Variants in CNBD1 observed in about 807,000 individuals in gnomAD.
The protein encoded by CNBD1 is cyclic nucleotide binding domain containing 1, also known as cyclic nucleotide-binding domain-containing protein 1.
Under a neutral mutation model 54.4 loss-of-function variants are expected in CNBD1, and 71 were observed. The ratio of observed to expected loss-of-function variants is 1.30; its 90% CI spans 1.08 to 1.59. The LOEUF (loss-of-function observed/expected upper bound fraction) is 1.59. Among genes scored for constraint, CNBD1 ranks in the 40% most tolerant of loss-of-function variants. The pLI is 0.00. For missense variants in CNBD1, 659 were observed against 518.0 expected, an observed-to-expected ratio of 1.27 and a Z score of -2.64; for synonymous variants, 182 against 170.7, an observed-to-expected ratio of 1.07 and a Z score of -0.51.
chr8:87,234,510 G>T (rs1266661808), intron 5 of CNBD1, among the ~76,000 whole-genome samples: 1 of 152,194 alleles, frequency 6.6e-6, no homozygotes, highest in African/African-American at 2.4e-5. Context: ...GAGTTCTTGG[G>T]TGACCAGATG....
At chr8:87,085,824 G>C (rs1811084686) in intron 4 of CNBD1, among the ~76,000 whole-genome samples, 1 of 152,120 alleles carries the variant, frequency 6.6e-6, no homozygotes, top group Admixed American at 6.5e-5. Flanking sequence ...CTCAGTCTTA[G>C]GCAGGTCCCT....
intron 5 of CNBD1, among the ~76,000 whole-genome samples, chr8:87,215,871 A>T (rs1329365388): frequency 6.6e-6 from 1 of 152,190 alleles, no homozygotes. Flanking sequence ...ATGGAAGCCC[A>T]TGCCCATTAA....
intron 8 of CNBD1, among the ~76,000 whole-genome samples, chr8:87,303,784 T>G (rs749841604): frequency 7.9e-6 from 1 of 125,956 alleles, no homozygotes; most frequent in Non-Finnish European, 1.8e-5. Flanking sequence ...TCAAACAAAT[T>G]TACAAGAAAA....
intron 2 of CNBD1, among the ~76,000 whole-genome samples, chr8:87,428,161 A>G (rs1174467266): frequency 6.6e-6 from 1 of 152,192 alleles, no homozygotes; most frequent in African/African-American, 2.4e-5. Context: ...AAAGAAAAAA[A>G]AAAAGTCAGA....
intron 2 of CNBD1, among the ~76,000 whole-genome samples, chr8:86,895,266 G>C (rs1472067464): frequency 6.6e-6 from 1 of 150,536 alleles, no homozygotes; most frequent in Non-Finnish European, 1.5e-5. Flanking sequence ...GTGTGTGTGT[G>C]TGTGTGTGTG....
chr8:87,244,483 G>A (rs116634882), intron 6 of CNBD1, among the ~76,000 whole-genome samples: 2 of 152,112 alleles, frequency 1.3e-5, no homozygotes, highest in Non-Finnish European at 2.9e-5. Context: ...CATTTAGGGT[G>A]TCTATCTCCT....
chr8:87,228,549 G>T (rs1413860092), intron 5 of CNBD1, among the ~76,000 whole-genome samples: 1 of 150,520 alleles, frequency 6.6e-6, no homozygotes, highest in Admixed American at 6.6e-5. Context: ...CAGTTAGGCT[G>T]CTCGGGGGTC....
At chr8:87,089,383 C>G (rs1811162405) in intron 4 of CNBD1, among the ~76,000 whole-genome samples, 1 of 151,978 alleles carries the variant, frequency 6.6e-6, no homozygotes, top group Admixed American at 6.6e-5. Flanking sequence ...AGAAAAAAAT[C>G]TAATGATGTT....
intron 4 of CNBD1, among the ~76,000 whole-genome samples, chr8:87,102,799 A>G (rs550136240): frequency 4.4e-4 from 67 of 152,160 alleles, no homozygotes; most frequent in African/African-American, 1.5e-3. Context: ...TATTTTTAGT[A>G]GAGACGGGGT....
chr8:86,964,375 A>G (rs987165922), intron 4 of CNBD1, among the ~76,000 whole-genome samples: 2 of 152,212 alleles, frequency 1.3e-5, no homozygotes, highest in African/African-American at 4.8e-5. Flanking sequence ...GATAAGGCTC[A>G]TCCCCTTCCC....
intron 4 of CNBD1, among the ~76,000 whole-genome samples, chr8:86,973,330 A>C (rs186059769): frequency 2.6e-4 from 39 of 152,296 alleles, no homozygotes; most frequent in African/African-American, 9.1e-4. Context: ...TTAAACATCT[A>C]TCTATACATG....
intron 6 of CNBD1, among the ~76,000 whole-genome samples, chr8:87,275,206 G>A (rs1305250855): frequency 1.4e-5 from 2 of 141,808 alleles, no homozygotes; most frequent in African/African-American, 2.8e-5. Context: ...GTCTGGTAGT[G>A]TGATGCCTCC....
downstream of CNBD1, among the ~76,000 whole-genome samples, chr8:87,384,725 G>A (rs11786454): frequency 0.22 from 32,715 of 152,030 alleles, 4,320 homozygotes; most frequent in Non-Finnish European, 0.29. Context: ...ATAAGATCAT[G>A]GGTCCAATAA....
At chr8:86,979,503 T>A (rs1181198904) in intron 4 of CNBD1, among the ~76,000 whole-genome samples, 3 of 151,906 alleles carry the variant, frequency 2.0e-5, no homozygotes, top group Admixed American at 2.0e-4. Flanking sequence ...AGGTGGGACT[T>A]TGCTTAGCCT....
At chr8:87,102,510 A>G (rs547941502) in intron 4 of CNBD1, among the ~76,000 whole-genome samples, 16 of 152,364 alleles carry the variant, frequency 1.1e-4, no homozygotes, top group African/African-American at 3.8e-4. Context: ...GGAGATGGCT[A>G]TAAGCCAAGT....
At chr8:87,272,480 A>C (rs1808388463) in intron 6 of CNBD1, among the ~76,000 whole-genome samples, 1 of 151,994 alleles carries the variant, frequency 6.6e-6, no homozygotes, top group Non-Finnish European at 1.5e-5. Context: ...GACTATATTA[A>C]ATTCAGAGTA....
At chr8:87,349,077 C>T (rs1810230227) in intron 8 of CNBD1, among the ~76,000 whole-genome samples, 4 of 151,966 alleles carry the variant, frequency 2.6e-5, no homozygotes, top group Admixed American at 2.6e-4. Flanking sequence ...TGAATATGAC[C>T]TTGAGATAAT....
At chr8:86,940,467 C>T (rs1017378215) in intron 4 of CNBD1, among the ~76,000 whole-genome samples, 1 of 152,092 alleles carries the variant, frequency 6.6e-6, no homozygotes, top group Non-Finnish European at 1.5e-5. Flanking sequence ...CACCCGGCCC[C>T]ATTCCTTTTA....
In CNBD1 at chr8:87,400,903, T is replaced by C. The variant is rs967378766; in HGVS notation, c.214-27643T>C. ...CCAGCCCCTGAAATTCTTATTTAATTAATTTATCTCAGAAAGTGGATTAGA... is the reference window on the plus strand; with the variant it reads ...CCAGCCCCTGAAATTCTTATTTAATCAATTTATCTCAGAAAGTGGATTAGA... On this transcript the variant is annotated intron_variant, in intron 2 of 7. Transcript: ENST00000521593. Among the ~76,000 whole-genome samples, 5 of 152,032 alleles carry C rather than the reference T, an allele frequency of 3.3e-5. No individual in the cohort carries two copies. In the East Asian group the frequency reaches 5.8e-4, roughly 18 times the overall value.
Sources: allele counts gnomAD v4.1 joint callset (sites outside exome capture counted in the v4.1 genomes callset), GRCh38; gene constraint gnomAD v4.1.1; transcripts MANE v1.5; gene names NCBI Gene and HGNC (gene_info 2026-07-23, HGNC 2026-07-21).